Variants in GRM7 observed in about 807,000 individuals in gnomAD.
The protein encoded by GRM7 is glutamate metabotropic receptor 7, also known as metabotropic glutamate receptor 7.
GRM7 carries 35 observed loss-of-function variants against 84.5 expected under a neutral mutation model. That is an observed-to-expected ratio of 0.41 (90% CI 0.32 to 0.55). The LOEUF is 0.55. Among genes scored for constraint, GRM7 ranks in the 20% least tolerant of loss-of-function variants. GRM7 has a pLI of 0.19. For synonymous variants in GRM7, 487 were observed against 455.1 expected (o/e 1.07, Z -0.89); for missense variants, 1,003 against 1,194.6 (o/e 0.84, Z 2.36).
At chr3:7,237,480 T>C (rs1400215872) in intron 2 of GRM7, among the ~76,000 whole-genome samples, 1 of 152,152 alleles carries the variant, frequency 6.6e-6, no homozygotes, top group East Asian at 1.9e-4. Context: ...ACTTCAAGCA[T>C]GAAGCCGTGG....
At chr3:7,313,840 T>A (rs554707388) in intron 4 of GRM7, among the ~76,000 whole-genome samples, 9 of 152,244 alleles carry the variant, frequency 5.9e-5, no homozygotes, top group African/African-American at 4.8e-5. Flanking sequence ...AGGGAAAATA[T>A]AAACTAACGA....
At chr3:7,073,271 A>G (rs1697949481) in intron 1 of GRM7, among the ~76,000 whole-genome samples, 1 of 152,068 alleles carries the variant, frequency 6.6e-6, no homozygotes, top group Non-Finnish European at 1.5e-5. Context: ...TACTTCTTAT[A>G]TCTCAAAATA....
intron 4 of GRM7, among the ~76,000 whole-genome samples, chr3:7,408,655 A>C (rs1260367779): frequency 6.6e-6 from 1 of 152,210 alleles, no homozygotes; most frequent in Non-Finnish European, 1.5e-5. Flanking sequence ...AAAGATTCTC[A>C]AGAGAGGCAG....
chr3:7,138,401 A>G (rs985628219), intron 1 of GRM7, among the ~76,000 whole-genome samples: 4 of 152,000 alleles, frequency 2.6e-5, no homozygotes, highest in Admixed American at 2.0e-4. Context: ...TTGTATATCA[A>G]AGATACCATG....
chr3:7,691,189 T>A, intron 9 of GRM7: 1 of 843,012 alleles, frequency 1.2e-6, no homozygotes, highest in South Asian at 1.4e-5. Flanking sequence ...ATTCCCTTTA[T>A]ATCTCTGCCC....
chr3:7,146,727 T>G lies in GRM7; in HGVS notation c.736+59T>G, dbSNP rs1694122737. 21 of 1,221,756 alleles carry G rather than the reference T, an allele frequency of 1.7e-5. No individual in the cohort carries two copies. In the South Asian group the frequency reaches 2.6e-4, roughly 15 times the overall value. The allele number at this position is 1,221,756 out of a possible 1,614,324, so 75.7% of individuals were successfully genotyped here. On this transcript the variant is annotated intron_variant, in intron 2 of 9. Transcript: ENST00000357716. ...CTTCAAACGTCTGTGGCTTGTAGAG[T>G]TCTCTTCAAACTTCATTAAATAAAC...
At chr3:7,468,211 G>A (rs1350659960) in intron 7 of GRM7, among the ~76,000 whole-genome samples, 4 of 152,168 alleles carry the variant, frequency 2.6e-5, no homozygotes, top group African/African-American at 7.2e-5. Flanking sequence ...TCAAGGCAAT[G>A]TTGACAAAGA....
At chr3:6,998,173 A>G (rs1305440361) in intron 1 of GRM7, among the ~76,000 whole-genome samples, 1 of 146,566 alleles carries the variant, frequency 6.8e-6, no homozygotes, top group East Asian at 2.1e-4. Context: ...CAATGAGGGT[A>G]CAGGCATTGG....
intron 9 of GRM7, among the ~76,000 whole-genome samples, chr3:7,737,345 T>C (rs1702538678): frequency 6.6e-6 from 1 of 152,216 alleles, no homozygotes; most frequent in Non-Finnish European, 1.5e-5. Context: ...TAAGTAGATA[T>C]AACTTTAAAA....
intron 1 of GRM7, among the ~76,000 whole-genome samples, chr3:7,020,516 T>G (rs1459636595): frequency 6.6e-6 from 1 of 152,206 alleles, no homozygotes; most frequent in Non-Finnish European, 1.5e-5. Flanking sequence ...AAATGCAGAT[T>G]CCTGGAGTCC....
chr3:7,164,609 T>C (rs1694741906), intron 2 of GRM7, among the ~76,000 whole-genome samples: 1 of 152,250 alleles, frequency 6.6e-6, no homozygotes, highest in African/African-American at 2.4e-5. Context: ...ATTATCTTTC[T>C]TCTTTTCACT....
At chr3:7,611,784 C>T (rs1696857774) in intron 8 of GRM7, among the ~76,000 whole-genome samples, 1 of 152,086 alleles carries the variant, frequency 6.6e-6, no homozygotes, top group African/African-American at 2.4e-5. Flanking sequence ...AGGTGACCTA[C>T]ATATGCCCAT....
At chr3:7,568,674 C>A (rs113963341) in intron 7 of GRM7, among the ~76,000 whole-genome samples, 1 of 152,124 alleles carries the variant, frequency 6.6e-6, no homozygotes, top group Non-Finnish European at 1.5e-5. Context: ...GTGGGCTCGG[C>A]GGCCCAGCAC....
chr3:7,619,655 C>T (rs1212053272), intron 8 of GRM7, among the ~76,000 whole-genome samples: 2 of 151,866 alleles, frequency 1.3e-5, no homozygotes, highest in African/African-American at 2.4e-5. Context: ...GTGGAAGTAT[C>T]CAGAGATCTA....
At chr3:7,256,984 A>G (rs981542478) in intron 2 of GRM7, among the ~76,000 whole-genome samples, 2 of 152,246 alleles carry the variant, frequency 1.3e-5, no homozygotes, top group Non-Finnish European at 2.9e-5. Flanking sequence ...ATTTCATTTC[A>G]GACAGAGGAA....
chr3:6,893,697 C>T (rs926395043), intron 1 of GRM7, among the ~76,000 whole-genome samples: 5 of 152,108 alleles, frequency 3.3e-5, no homozygotes, highest in African/African-American at 9.7e-5. Context: ...TACTAACACC[C>T]ACACAATTTA....
intron 2 of GRM7, among the ~76,000 whole-genome samples, chr3:7,207,370 C>G (rs1364870447): frequency 6.6e-6 from 1 of 152,180 alleles, no homozygotes; most frequent in African/African-American, 2.4e-5. Flanking sequence ...AATGACTGAG[C>G]TTGCCAAGTG....
At chr3:7,178,140 T>C (rs1350666633) in intron 2 of GRM7, among the ~76,000 whole-genome samples, 2 of 152,226 alleles carry the variant, frequency 1.3e-5, no homozygotes, top group African/African-American at 4.8e-5. Context: ...TTTCTCTGTG[T>C]TTTATTAAAG....
At chr3:7,173,749 C>G (rs1246564779) in intron 2 of GRM7, among the ~76,000 whole-genome samples, 1 of 152,180 alleles carries the variant, frequency 6.6e-6, no homozygotes, top group Non-Finnish European at 1.5e-5. Flanking sequence ...ACTCCTGGAC[C>G]TCAGAGCTTG....
Sources: gnomAD v4.1 joint callset for allele counts (sites outside exome capture counted in the v4.1 genomes callset) on GRCh38, gnomAD v4.1.1 for gene constraint, MANE v1.5 for transcripts, NCBI Gene and HGNC (gene_info 2026-07-23, HGNC 2026-07-21) for gene names.